PEX5L: variants seen among roughly 807,000 people sequenced by gnomAD.
PEX5L encodes PEX5-related protein.
PEX5L carries 30 observed loss-of-function variants against 84.0 expected under a neutral mutation model. The ratio of observed to expected loss-of-function variants is 0.36; its 90% CI spans 0.27 to 0.48. The LOEUF (loss-of-function observed/expected upper bound fraction) is 0.48, where lower values mean the gene tolerates loss of function less well. Ranked by LOEUF, PEX5L falls within the 20% of genes least tolerant of loss-of-function variation. PEX5L has a pLI of 0.99. For synonymous variants in PEX5L, 270 were observed against 283.1 expected, an observed-to-expected ratio of 0.95 and a Z score of 0.46; for missense variants, 533 against 754.6, an observed-to-expected ratio of 0.71 and a Z score of 3.44.
chr3:179,972,852 T>G (rs1181328226), intron 1 of PEX5L, among the ~76,000 whole-genome samples: 1 of 152,164 alleles, frequency 6.6e-6, no homozygotes, highest in East Asian at 1.9e-4. Flanking sequence ...TTTCTGCATC[T>G]TCCAAGTATT....
At chr3:179,898,101 C>A in intron 3 of PEX5L, 41 bp downstream of exon 3, 1 of 1,208,282 alleles carries the variant, frequency 8.3e-7, no homozygotes, top group Non-Finnish European at 1.2e-6. Flanking sequence ...GATATATTAA[C>A]ATATGTCAGC....
intron 10 of PEX5L, 90 bp downstream of exon 10, chr3:179,815,771 T>C (rs1042997658): frequency 1.9e-5 from 27 of 1,421,042 alleles, no homozygotes; most frequent in Non-Finnish European, 2.5e-5. Flanking sequence ...CTTTACTTGA[T>C]GAAAAGCTGA....
chr3:179,899,342 G>A (rs190339692), intron 2 of PEX5L, among the ~76,000 whole-genome samples: 3 of 152,134 alleles, frequency 2.0e-5, no homozygotes, highest in Admixed American at 2.0e-4. Flanking sequence ...TTTATACTAA[G>A]AAAAGATATG....
intron 7 of PEX5L, among the ~76,000 whole-genome samples, chr3:179,865,332 A>G (rs1375663014): frequency 6.6e-6 from 1 of 152,170 alleles, no homozygotes; most frequent in African/African-American, 2.4e-5. Flanking sequence ...GATAAATGCC[A>G]TCAAAGATCA....
At chr3:179,807,467 T>C (rs529771346) in intron 14 of PEX5L, among the ~76,000 whole-genome samples, 2 of 152,352 alleles carry the variant, frequency 1.3e-5, no homozygotes, top group Admixed American at 6.5e-5. Flanking sequence ...CGGAGCCAAC[T>C]GCTGCTCTCT....
chr3:179,863,056 T>C (rs1392796708), intron 7 of PEX5L, among the ~76,000 whole-genome samples: 1 of 152,216 alleles, frequency 6.6e-6, no homozygotes, highest in African/African-American at 2.4e-5. Flanking sequence ...TAATTGTTTT[T>C]CTACAAAGTT....
chr3:179,957,279 C>T (rs1780820449), intron 2 of PEX5L, among the ~76,000 whole-genome samples: 1 of 152,114 alleles, frequency 6.6e-6, no homozygotes, highest in Admixed American at 6.6e-5. Flanking sequence ...TTCATATATA[C>T]ATCATAAGCA....
chr3:179,866,882 C>T (rs931771378), intron 7 of PEX5L, among the ~76,000 whole-genome samples: 9 of 151,590 alleles, frequency 5.9e-5, no homozygotes, highest in African/African-American at 1.7e-4. Flanking sequence ...AAAAATCAGC[C>T]GGGCATGGTG....
In PEX5L at chr3:179,905,918, T is replaced by TA. The variant is rs1291636346; in HGVS notation, c.94-7673dup. ...AACGCTCAAGTGCACTCAATAAATA[T>TA]ATGTACTGGATATCTTTTTCAAATT... On this transcript the variant is annotated intron_variant, in intron 2 of 14. Coordinates refer to ENST00000467460, the MANE Select transcript of PEX5L (RefSeq NM_016559.3). Among the ~76,000 whole-genome samples the TA allele has an allele frequency of 2.0e-5, 3 of 152,340 alleles. No homozygotes were observed. The East Asian group carries it at 5.8e-4, about 29-fold the overall frequency.
intron 1 of PEX5L, among the ~76,000 whole-genome samples, chr3:180,005,106 G>A (rs1415586907): frequency 1.3e-5 from 2 of 151,896 alleles, no homozygotes; most frequent in East Asian, 1.9e-4. Context: ...ACATATAGCA[G>A]GAATGTGTAA....
chr3:180,003,478 T>C (rs1011475137), intron 1 of PEX5L, among the ~76,000 whole-genome samples: 1 of 152,128 alleles, frequency 6.6e-6, no homozygotes, highest in Non-Finnish European at 1.5e-5. Context: ...CAAATTTGTA[T>C]TAGTGATATT....
chr3:179,977,682 G>A (rs187657149), intron 1 of PEX5L, among the ~76,000 whole-genome samples: 1 of 152,318 alleles, frequency 6.6e-6, no homozygotes, highest in East Asian at 1.9e-4. Flanking sequence ...TTTGAATGGA[G>A]AGTAATTGCC....
rs1721911474 is a variant in PEX5L at position 179,807,697 on chromosome 3, G to A, written c.1653C>T (p.Ser551=). The change falls in exon 14 of 15, where the codon AGC becomes AGT. Residue 551 remains serine (S), a synonymous_variant. Transcript: ENST00000467460. ...ACCTGTAGGCGCCCAGGTTGATGCA[G>A]CTTATTCCTAGGTTGTATCTGGACC... ...FIRSRYNLGI[S]CINLGAYREA... is the part of the protein sequence containing the mutation. 6.2e-7 allele frequency: 1 copy of A among 1,614,118 alleles called. No individual in the cohort carries two copies. The highest frequency in any genetic ancestry group is 2.2e-5 in the East Asian group (1 of 44,878).
rs1217201936 is a variant in PEX5L, at chr3:180,018,256, C to T, written c.21+18323G>A. On this transcript the variant is annotated intron_variant, in intron 1 of 14. Coordinates refer to ENST00000467460, the MANE Select transcript of PEX5L (RefSeq NM_016559.3). ...ATTTTTATACATATATATTATGTCA[C>T]GATTAGTTTTATATTTGCAATTTTT... Among the ~76,000 whole-genome samples the T allele has an allele frequency of 3.3e-5, 5 of 152,206 alleles. No individual in the cohort carries two copies. The East Asian group carries it at 5.8e-4, about 18-fold the overall frequency.
At chr3:179,845,620 T>A (rs1739017045) in intron 8 of PEX5L, among the ~76,000 whole-genome samples, 1 of 152,224 alleles carries the variant, frequency 6.6e-6, no homozygotes, top group Non-Finnish European at 1.5e-5. Flanking sequence ...CTGTTTACTA[T>A]CTGAATTCAG....
chr3:179,818,341 G>GATACAGGC (rs904820411), intron 9 of PEX5L, among the ~76,000 whole-genome samples: 6 of 151,822 alleles, frequency 4.0e-5, no homozygotes, highest in Admixed American at 3.9e-4. Context: ...GAGATATTTT[G>GATACAGGC]ATACAGGCAT....
At chr3:179,885,891 A>G (rs1755699926) in intron 4 of PEX5L, among the ~76,000 whole-genome samples, 1 of 152,336 alleles carries the variant, frequency 6.6e-6, no homozygotes, top group African/African-American at 2.4e-5. Context: ...GTAAGTTTCC[A>G]TTGTTGAATC....
intron 8 of PEX5L, among the ~76,000 whole-genome samples, chr3:179,842,909 A>ATT (rs1737831136): frequency 6.6e-6 from 1 of 152,058 alleles, no homozygotes; most frequent in Non-Finnish European, 1.5e-5. Flanking sequence ...CAATGACAGA[A>ATT]TTTAGTTAGG....
intron 8 of PEX5L, among the ~76,000 whole-genome samples, chr3:179,822,526 T>C (rs1475972840): frequency 6.6e-6 from 1 of 152,252 alleles, no homozygotes; most frequent in Non-Finnish European, 1.5e-5. Flanking sequence ...TACAGAAGAC[T>C]ACTTTTAGTA....
Sources: allele counts gnomAD v4.1 joint callset (sites outside exome capture counted in the v4.1 genomes callset), GRCh38; gene constraint gnomAD v4.1.1; transcripts MANE v1.5; gene names NCBI Gene and HGNC (gene_info 2026-07-23, HGNC 2026-07-21).